The following TBCD variants were observed in gnomAD, a reference collection of about 807,000 sequenced individuals.
The protein encoded by TBCD is tubulin folding cofactor D, also known as tubulin-specific chaperone D.
In TBCD, 105 loss-of-function variants were observed where a neutral mutation model predicts 169.3. The ratio of observed to expected loss-of-function variants is 0.62; its 90% CI spans 0.53 to 0.73. TBCD has a LOEUF of 0.73. TBCD is among the 30% of genes least tolerant of loss of function. TBCD has a pLI of 0.00. For missense variants in TBCD, 1,444 were observed against 1,600.1 expected (o/e 0.90, Z 1.66); for synonymous variants, 700 against 643.9 (o/e 1.09, Z -1.32).
intron 12 of TBCD, among the ~76,000 whole-genome samples, chr17:82,814,113 C>G (rs921428192): frequency 6.6e-6 from 1 of 152,166 alleles, no homozygotes; most frequent in African/African-American, 2.4e-5. Context: ...TGCAATTGTT[C>G]ATTAAAAGTT....
chr17:82,928,996 C>T, intron 30 of TBCD, 117 bp from the exon 31 acceptor site: 1 of 1,331,040 alleles, frequency 7.5e-7, no homozygotes, highest in Non-Finnish European at 1.0e-6. Flanking sequence ...CCCGAGGAGC[C>T]CGCATGTCCT....
At chr17:82,858,815 C>A in intron 13 of TBCD, 1 of 284,392 alleles carries the variant, frequency 3.5e-6, no homozygotes, top group Non-Finnish European at 5.3e-6. Context: ...CGCTTGGTGG[C>A]GAGGAGGGTG....
At chr17:82,824,621 T>A (rs1025345742) in intron 13 of TBCD, among the ~76,000 whole-genome samples, 4 of 152,206 alleles carry the variant, frequency 2.6e-5, no homozygotes, top group African/African-American at 9.7e-5. Context: ...GCCTCCTGAG[T>A]GGCTGTGATT....
intron 16 of TBCD, among the ~76,000 whole-genome samples, chr17:82,892,316 C>G (rs2059198419): frequency 6.6e-6 from 1 of 152,082 alleles, no homozygotes; most frequent in African/African-American, 2.4e-5. Context: ...GGTTGTGGCA[C>G]CTGCTGTCTT....
At chr17:82,860,302 GTCACGCTGCGCTGAGCGTCC>G in intron 13 of TBCD, 1 of 934,540 alleles carries the variant, frequency 1.1e-6, no homozygotes, top group Non-Finnish European at 1.3e-6. Context: ...CTGCATGGCG[GTCACGCTGCGCTGAGCGTCC>G]CCTCCCCTCT....
intron 13 of TBCD, among the ~76,000 whole-genome samples, chr17:82,843,836 G>A (rs192006870): frequency 6.0e-4 from 92 of 152,182 alleles, no homozygotes; most frequent in African/African-American, 2.0e-3. Context: ...AGAGAGTTCC[G>A]TCACAGCAGT....
chr17:82,850,016 TGCTGTTGTTG>T (rs2055550201), intron 13 of TBCD, among the ~76,000 whole-genome samples: 23 of 130,202 alleles, frequency 1.8e-4, no homozygotes, highest in African/African-American at 3.2e-4. Context: ...CTGTTGGCTG[TGCTGTTGTTG>T]GCTGTGCTGT....
intron 38 of TBCD, chr17:82,941,696 C>T: frequency 1.8e-6 from 1 of 550,410 alleles, no homozygotes; most frequent in East Asian, 3.2e-5. Context: ...AGGCCACTTG[C>T]TCTGGGGCGT....
intron 23 of TBCD, among the ~76,000 whole-genome samples, chr17:82,917,684 G>T (rs1335548633): frequency 6.6e-6 from 1 of 152,236 alleles, no homozygotes; most frequent in African/African-American, 2.4e-5. Flanking sequence ...GGTCCGTGCT[G>T]GGCTGGCCCA....
rs534421330 is a variant in TBCD, at chr17:82,930,577, C to T, written c.3047C>T (p.Pro1016Leu). Residue 1016 changes from proline (P) to leucine (L), a missense_variant, in exon 33 of 39, where the codon CCG (proline) becomes CTG (leucine). By Grantham distance (98) the Pro-to-Leu change is moderately conservative. Transcript: ENST00000355528. This position sits in a 1 kb window ranked among gnomAD's most constrained non-coding sequence, Gnocchi z 5.2. ...TACATGAAGGGCATTCAGAGCGACCCGCAGGCCCTGGGCAGCTTCAGCGGG... is the reference window on the plus strand; with the variant it reads ...TACATGAAGGGCATTCAGAGCGACCTGCAGGCCCTGGGCAGCTTCAGCGGG... ...FEYMKGIQSD[P>L]QALGSFSGTL... The T allele has an allele frequency of 1.5e-5, 24 of 1,613,878 alleles. No individual in the cohort carries two copies. The highest frequency in any genetic ancestry group is 7.7e-5 in the South Asian group (7 of 91,060).
chr17:82,857,425 T>G (rs2056401100), intron 13 of TBCD, among the ~76,000 whole-genome samples: 1 of 152,242 alleles, frequency 6.6e-6, no homozygotes, highest in Non-Finnish European at 1.5e-5. Flanking sequence ...TTTTTTTCTT[T>G]TGATAATGTC....
chr17:82,935,171 C>T (rs971467249), intron 34 of TBCD, among the ~76,000 whole-genome samples: 12 of 152,172 alleles, frequency 7.9e-5, no homozygotes, highest in African/African-American at 2.7e-4. Flanking sequence ...TCAGTTTTGG[C>T]TTTTCAGATT....
intron 24 of TBCD, 116 bp from the exon 25 acceptor site, chr17:82,921,385 C>A: frequency 4.8e-6 from 4 of 839,028 alleles, no homozygotes; most frequent in Non-Finnish European, 8.1e-6. Flanking sequence ...CCACAGATTC[C>A]TCTCAAAGGT....
intron 13 of TBCD, chr17:82,829,851 A>G: frequency 2.3e-6 from 1 of 437,478 alleles, no homozygotes; most frequent in South Asian, 3.5e-5. Context: ...TTATAAGGAA[A>G]CATTTATAAA....
chr17:82,928,819 C>T (rs1233129170), intron 30 of TBCD, among the ~76,000 whole-genome samples: 1 of 152,002 alleles, frequency 6.6e-6, no homozygotes, highest in African/African-American at 2.4e-5. Context: ...CCTGCTTCAA[C>T]CCTAAGACCT....
At chr17:82,824,538 G>T (rs1028965933) in intron 13 of TBCD, among the ~76,000 whole-genome samples, 1 of 152,126 alleles carries the variant, frequency 6.6e-6, no homozygotes, top group African/African-American at 2.4e-5. Flanking sequence ...CTGGAGTGCA[G>T]TGGCTATTCA....
chr17:82,770,413 A>G (rs1252438635), intron 5 of TBCD, among the ~76,000 whole-genome samples: 2 of 151,882 alleles, frequency 1.3e-5, no homozygotes, highest in Non-Finnish European at 2.9e-5. Flanking sequence ...CAGCCTGACC[A>G]ACATGGAGAA....
In TBCD at chr17:82,833,988, A is replaced by G. The variant is rs190118231; in HGVS notation, c.1318+19054A>G. ...AGACAGAGTTTCTCCCTTGTTGCCC[A>G]GTCTGGAGTGCCATGGCGCAATCTC... On this transcript the variant is annotated intron_variant, in intron 13 of 38. Coordinates refer to ENST00000355528, the MANE Select transcript of TBCD (RefSeq NM_005993.5). This position sits in a 1 kb window ranked among gnomAD's most constrained non-coding sequence, Gnocchi z 4.7. 8.1e-4 allele frequency among the ~76,000 whole-genome samples: 123 copies of G among 150,998 alleles called. No individual in the cohort carries two copies. The highest frequency in any genetic ancestry group is 2.4e-3 in the African/African-American group (100 of 41,174).
intron 16 of TBCD, among the ~76,000 whole-genome samples, chr17:82,891,960 T>C (rs191355562): frequency 8.9e-4 from 135 of 152,282 alleles, no homozygotes; most frequent in African/African-American, 3.0e-3. Flanking sequence ...ACCCTGCTCC[T>C]AGGCGAGTGC....
Sources: gnomAD v4.1 joint callset for allele counts (sites outside exome capture counted in the v4.1 genomes callset) on GRCh38, gnomAD v4.1.1 for gene constraint, Gnocchi (gnomAD v3.1) non-coding constraint, MANE v1.5 for transcripts, NCBI Gene and HGNC (gene_info 2026-07-23, HGNC 2026-07-21) for gene names.